TEAD4: variants seen among roughly 807,000 people sequenced by gnomAD.
TEAD4 encodes TEA domain transcription factor 4.
A neutral mutation model predicts 52.4 loss-of-function variants in TEAD4; 36 were observed. The ratio of observed to expected loss-of-function variants is 0.69; its 90% CI spans 0.53 to 0.91. The LOEUF (loss-of-function observed/expected upper bound fraction) is 0.91, where lower values mean the gene tolerates loss of function less well. Ranked by LOEUF, TEAD4 falls within the 40% of genes least tolerant of loss-of-function variation. The pLI is 0.00. For missense variants in TEAD4, 508 were observed against 583.9 expected (o/e 0.87, Z 1.34); for synonymous variants, 220 against 231.0 (o/e 0.95, Z 0.43).
chr12:2,997,350 C>T (rs1006418250), intron 3 of TEAD4, among the ~76,000 whole-genome samples: 5 of 152,298 alleles, frequency 3.3e-5, no homozygotes, highest in Admixed American at 2.0e-4. Flanking sequence ...CTTTTAGCGC[C>T]TGGGGAAGCG....
chr12:3,031,682 T>A (rs758343485), intron 10 of TEAD4, among the ~76,000 whole-genome samples: 1 of 152,144 alleles, frequency 6.6e-6, no homozygotes, highest in Non-Finnish European at 1.5e-5. Context: ...CTCACCACGT[T>A]ACATACAGTC....
chr12:2,976,933 C>T (rs1248551256), intron 2 of TEAD4, among the ~76,000 whole-genome samples: 1 of 152,200 alleles, frequency 6.6e-6, no homozygotes, highest in Non-Finnish European at 1.5e-5. Context: ...CATCCCAGGC[C>T]ATCTCCATTT....
intron 2 of TEAD4, among the ~76,000 whole-genome samples, chr12:2,963,537 A>G (rs1253109392): frequency 6.6e-6 from 1 of 152,216 alleles, no homozygotes; most frequent in Non-Finnish European, 1.5e-5. Flanking sequence ...GTCAGCAGCC[A>G]GGAGGGCCCA....
intron 2 of TEAD4, among the ~76,000 whole-genome samples, chr12:2,981,247 C>CT (rs1184662342): frequency 4.6e-5 from 7 of 152,250 alleles, no homozygotes; most frequent in Admixed American, 2.6e-4. Flanking sequence ...TGCACAGGGG[C>CT]TTGCACTGTG....
intron 2 of TEAD4, among the ~76,000 whole-genome samples, chr12:2,966,776 G>A (rs112837129): frequency 2.5e-4 from 38 of 151,734 alleles, no homozygotes; most frequent in Middle Eastern, 3.4e-3. Flanking sequence ...GTGCGATCTC[G>A]GCTCACTGCA....
chr12:3,033,517 G>A (rs2098277258), intron 10 of TEAD4, among the ~76,000 whole-genome samples: 1 of 152,192 alleles, frequency 6.6e-6, no homozygotes, highest in African/African-American at 2.4e-5. Flanking sequence ...CTGCACCGTG[G>A]AGGCAGCAGA....
intron 3 of TEAD4, among the ~76,000 whole-genome samples, chr12:2,996,529 C>T (rs2098247342): frequency 6.6e-6 from 1 of 151,952 alleles, no homozygotes; most frequent in Non-Finnish European, 1.5e-5. Flanking sequence ...CCCACCTCAG[C>T]CTGCCGAGTA....
intron 2 of TEAD4, among the ~76,000 whole-genome samples, chr12:2,992,016 CTTTT>C (rs372782883): frequency 1.3e-4 from 14 of 107,660 alleles, no homozygotes; most frequent in Admixed American, 4.6e-4. Flanking sequence ...GCGGTTCCTG[CTTTT>C]TTTTTTTTTT....
chr12:2,968,320 A>G (rs150948148), intron 2 of TEAD4, among the ~76,000 whole-genome samples: 6,659 of 147,128 alleles, frequency 0.045, 171 homozygotes, highest in South Asian at 0.087. Context: ...TCCCGACCTC[A>G]GGTGATCTGC....
intron 8 of TEAD4, among the ~76,000 whole-genome samples, chr12:3,020,218 G>A (rs1046030995): frequency 9.2e-5 from 14 of 152,316 alleles, no homozygotes; most frequent in Admixed American, 3.3e-4. Flanking sequence ...AACAGGAAAC[G>A]TCCCCGTCTC....
chr12:3,037,248 G>A (rs150134643), intron 10 of TEAD4, among the ~76,000 whole-genome samples: 1 of 152,300 alleles, frequency 6.6e-6, no homozygotes, highest in African/African-American at 2.4e-5. Context: ...ATGAGACGGT[G>A]AAGTGACTTG....
chr12:3,036,674 C>G (rs561779435), intron 10 of TEAD4, among the ~76,000 whole-genome samples: 1 of 152,282 alleles, frequency 6.6e-6, no homozygotes, highest in African/African-American at 2.4e-5. Context: ...GAGAATAAGC[C>G]TTTGTAATGT....
chr12:2,989,977 A>G (rs1220421734), intron 2 of TEAD4, among the ~76,000 whole-genome samples: 2 of 151,902 alleles, frequency 1.3e-5, no homozygotes, highest in African/African-American at 4.8e-5. Flanking sequence ...TACTGTATTT[A>G]TTTTCTATGT....
intron 6 of TEAD4, 26 bp downstream of exon 6, chr12:3,017,552 G>T: frequency 1.2e-6 from 2 of 1,601,464 alleles, no homozygotes; most frequent in Non-Finnish European, 1.7e-6. Context: ...AGAGCTGGAG[G>T]CCAGGCCAGC....
intron 2 of TEAD4, among the ~76,000 whole-genome samples, chr12:2,961,258 C>T (rs2098215045): frequency 6.6e-6 from 1 of 152,134 alleles, no homozygotes; most frequent in African/African-American, 2.4e-5. Flanking sequence ...ACCAGGTAAC[C>T]CAGTAGAAGA....
rs184586448 is a variant in TEAD4, at chr12:2,964,621, C to T, written c.-30+4581C>T. Among the ~76,000 whole-genome samples the T allele has an allele frequency of 1.3e-3, 159 of 123,276 alleles. 3 individuals carry two copies. The East Asian group carries it at 0.035, about 27-fold the overall frequency. 80.9% of individuals were successfully genotyped at this position (123,276 alleles called of 152,430 possible). Reference sequence around the variant, plus strand: ...TACAGGTGCCTGCCACCACACCTGGCTAATTTTTTTTTTTTTTTTTTTGTA... The same window carrying T: ...TACAGGTGCCTGCCACCACACCTGGTTAATTTTTTTTTTTTTTTTTTTGTA... On this transcript the variant is annotated intron_variant, in intron 2 of 12. Coordinates refer to ENST00000359864, the MANE Select transcript of TEAD4 (RefSeq NM_003213.4).
chr12:3,023,744 A>T (rs918018234), intron 10 of TEAD4, among the ~76,000 whole-genome samples: 2 of 148,518 alleles, frequency 1.3e-5, no homozygotes, highest in African/African-American at 4.9e-5. Context: ...GTGAGCAGAG[A>T]TGGCGGCCAC....
At chr12:3,020,141 A>G (rs116934010) in intron 8 of TEAD4, among the ~76,000 whole-genome samples, 1 of 152,254 alleles carries the variant, frequency 6.6e-6, no homozygotes, top group Non-Finnish European at 1.5e-5. Context: ...TCTGTTAGCA[A>G]CGCTGGATTG....
At chr12:3,012,035 T>C in intron 4 of TEAD4, 135 bp from the exon 5 acceptor site, 1 of 846,008 alleles carries the variant, frequency 1.2e-6, no homozygotes, top group African/African-American at 1.7e-5. Flanking sequence ...GGCCCACCAG[T>C]TGACCCTTTC....
Sources: allele counts gnomAD v4.1 joint callset (sites outside exome capture counted in the v4.1 genomes callset), GRCh38; gene constraint gnomAD v4.1.1; transcripts MANE v1.5; gene names NCBI Gene and HGNC (gene_info 2026-07-23, HGNC 2026-07-21).